Variants in ZNF516 observed in about 807,000 individuals in gnomAD.
ZNF516 encodes zinc finger protein 516.
ZNF516 carries 19 observed loss-of-function variants against 79.7 expected under a neutral mutation model. That is an observed-to-expected ratio of 0.24 (90% confidence interval 0.17 to 0.35). ZNF516 has a LOEUF of 0.35. Among genes scored for constraint, ZNF516 ranks in the 10% least tolerant of loss-of-function variants. ZNF516 has a pLI of 1.00. For synonymous variants in ZNF516, 877 were observed against 739.5 expected, an observed-to-expected ratio of 1.19 and a Z score of -3.02; for missense variants, 1,678 against 1,679.5, an observed-to-expected ratio of 1.00 and a Z score of 0.02.
In ZNF516 at chr18:76,466,151, G is replaced by C. The variant is rs188212493; in HGVS notation, c.-271-3010C>G. 7.5e-3 allele frequency among the ~76,000 whole-genome samples: 1,139 copies of C among 152,188 alleles called. 12 individuals are homozygous for C. The highest frequency in any genetic ancestry group is 0.025 in the African/African-American group (1,041 of 41,524). ...TACTGGAAACCATCACGTTCCCTTA[G>C]GAGTGACGTTAATTCAGGCTCCGGG... is the stretch of plus-strand genomic sequence containing the variant. On this transcript the variant is annotated intron_variant, in intron 1 of 6. Coordinates refer to ENST00000443185, the MANE Select transcript of ZNF516 (RefSeq NM_014643.4).
intron 1 of ZNF516, among the ~76,000 whole-genome samples, chr18:76,472,081 T>A (rs1913876696): frequency 6.6e-6 from 1 of 152,170 alleles, no homozygotes; most frequent in Non-Finnish European, 1.5e-5. Flanking sequence ...CAGAGCTCCA[T>A]CCTCTTCCTG....
chr18:76,470,239 G>A (rs1913746727), intron 1 of ZNF516, among the ~76,000 whole-genome samples: 2 of 152,204 alleles, frequency 1.3e-5, no homozygotes, highest in African/African-American at 4.8e-5. Flanking sequence ...CCAATGTGCA[G>A]TTTCCCTTTG....
chr18:76,425,345 C>A (rs1376642547), intron 3 of ZNF516, among the ~76,000 whole-genome samples: 1 of 152,168 alleles, frequency 6.6e-6, no homozygotes, highest in East Asian at 1.9e-4. Context: ...TGATTGGCCA[C>A]GGATTTTTTC....
chr18:76,364,065 C>T (rs72973714), intron 6 of ZNF516, among the ~76,000 whole-genome samples: 7,300 of 152,288 alleles, frequency 0.048, 221 homozygotes, highest in Non-Finnish European at 0.071. Context: ...AACAGGAAGA[C>T]GGCCCTCCGT....
At chr18:76,462,434 C>T (rs1913176931) in intron 2 of ZNF516, among the ~76,000 whole-genome samples, 1 of 152,212 alleles carries the variant, frequency 6.6e-6, no homozygotes, top group South Asian at 2.1e-4. Context: ...GCCGTCAGGG[C>T]AGGTCTCAGC....
intron 3 of ZNF516, among the ~76,000 whole-genome samples, chr18:76,423,990 A>ACG: frequency 7.5e-6 from 1 of 134,056 alleles, no homozygotes. Flanking sequence ...CGAAACACAC[A>ACG]CAGGTAAAAA....
intron 1 of ZNF516, chr18:76,487,952 T>A: frequency 1.0e-6 from 1 of 985,308 alleles, no homozygotes; most frequent in South Asian, 4.7e-5. Context: ...AGCTACACTG[T>A]CAGCTCATGC....
chr18:76,425,936 A>AG (rs1442232320), intron 3 of ZNF516, among the ~76,000 whole-genome samples: 22 of 152,350 alleles, frequency 1.4e-4, no homozygotes, highest in African/African-American at 5.3e-4. Context: ...CAAACCCCCC[A>AG]GCGCTGCTCT....
rs74746695 is a variant in ZNF516 at position 76,404,209 on chromosome 18, C to T, written c.1811-23906G>A. On this transcript the variant is annotated intron_variant, in intron 3 of 6. Coordinates refer to ENST00000443185, the MANE Select transcript of ZNF516 (RefSeq NM_014643.4). ...AAGCAGGTGGTCCCACATGGTATCG[C>T]CCTCTTCCATGAACCCCAGAGCCAG... is the stretch of plus-strand genomic sequence containing the variant. Among the ~76,000 whole-genome samples the T allele has an allele frequency of 6.1e-3, 936 of 152,382 alleles. 16 individuals carry two copies. Among genetic ancestry groups the T allele is most frequent in the African/African-American group, 0.021 (857 of 41,588 alleles).
intron 6 of ZNF516, among the ~76,000 whole-genome samples, chr18:76,369,507 C>A (rs2074668329): frequency 6.6e-6 from 1 of 152,168 alleles, no homozygotes; most frequent in South Asian, 2.1e-4. Flanking sequence ...GCAGTGGGTC[C>A]TTGGTGAAGC....
At chr18:76,496,288 C>G (rs755804536), upstream of ZNF516, 2 of 1,289,044 alleles carry the variant, frequency 1.6e-6, no homozygotes, top group East Asian at 5.6e-5. Context: ...GGCTCCTGGC[C>G]GTATTGTTCT....
intron 3 of ZNF516, among the ~76,000 whole-genome samples, chr18:76,405,156 C>A (rs555207683): frequency 6.6e-6 from 1 of 152,220 alleles, no homozygotes; most frequent in Non-Finnish European, 1.5e-5. Flanking sequence ...ATCGGGAACA[C>A]GGTTTCCAGG....
Position 76,379,297 on chromosome 18 carries a change from A to G in ZNF516, c.2817T>C (p.Ala939=), listed in dbSNP as rs552545364. 23 of 1,608,778 alleles carry G rather than the reference A, an allele frequency of 1.4e-5. No individual in the cohort carries two copies. The South Asian group carries it at 2.0e-4, about 14-fold the overall frequency. ...TGCTATTGGCCGAGGGCTGCGCGCC[A>G]GCCCGGGCGATGACGGTGGGCGTAG... ...ATPTPTVIAR[A]GAQPSANSKP... is the part of the protein sequence containing the mutation. Residue 939 remains alanine (A), a synonymous_variant, in exon 4 of 7, where the codon GCT becomes GCC. Transcript: ENST00000443185.
intron 3 of ZNF516, among the ~76,000 whole-genome samples, chr18:76,418,790 A>C (rs1413554476): frequency 6.6e-6 from 1 of 152,262 alleles, no homozygotes; most frequent in African/African-American, 2.4e-5. Flanking sequence ...AAATGAATTT[A>C]GTTTTAAAGC....
chr18:76,424,473 A>C (rs2075560506), intron 3 of ZNF516, among the ~76,000 whole-genome samples: 2 of 148,674 alleles, frequency 1.3e-5, no homozygotes, highest in South Asian at 4.3e-4. Flanking sequence ...GCAGGTGAAA[A>C]GGTTCCCACA....
At chr18:76,367,294 C>T (rs7238197) in intron 6 of ZNF516, among the ~76,000 whole-genome samples, 26,433 of 152,196 alleles carry the variant, frequency 0.17, 2,667 homozygotes, top group South Asian at 0.34. Flanking sequence ...CCTTATCTCT[C>T]GCTGGGATCA....
At position 76,402,146 on chromosome 18, in the gene ZNF516, A is replaced by T. The variant is rs1432016150; in HGVS notation, c.1811-21843T>A. 2.0e-5 allele frequency among the ~76,000 whole-genome samples: 3 copies of T among 152,298 alleles called. No homozygotes were observed. In the East Asian group the frequency reaches 5.8e-4, roughly 29 times the overall value. ...GCCCCGCGCCTTCTATTTGCTGAAG[A>T]CATCGCCTCGGTCAACACCAATGAA... On this transcript the variant is annotated intron_variant, in intron 3 of 6. Coordinates refer to ENST00000443185, the MANE Select transcript of ZNF516 (RefSeq NM_014643.4).
chr18:76,480,794 T>A (rs1487235674), intron 1 of ZNF516, among the ~76,000 whole-genome samples: 2 of 152,158 alleles, frequency 1.3e-5, no homozygotes, highest in Non-Finnish European at 1.5e-5. Context: ...AATGCTGGGA[T>A]TACAGGTGTG....
intron 3 of ZNF516, among the ~76,000 whole-genome samples, chr18:76,439,191 T>C (rs553291242): frequency 3.9e-5 from 6 of 152,364 alleles, no homozygotes; most frequent in African/African-American, 1.4e-4. Context: ...GTTAAATCAA[T>C]GGAACACGGT....
Sources: allele counts gnomAD v4.1 joint callset (sites outside exome capture counted in the v4.1 genomes callset), GRCh38; gene constraint gnomAD v4.1.1; transcripts MANE v1.5; gene names NCBI Gene and HGNC (gene_info 2026-07-23, HGNC 2026-07-21).